Variants in ECE1 observed in about 807,000 individuals in gnomAD.
The protein encoded by ECE1 is endothelin-converting enzyme 1.
ECE1 carries 35 observed loss-of-function variants against 98.6 expected under a neutral mutation model. The observed-to-expected ratio is 0.35, with a 90% CI of 0.27 to 0.47. The LOEUF (loss-of-function observed/expected upper bound fraction) is 0.47. Among genes scored for constraint, ECE1 ranks in the 20% least tolerant of loss-of-function variants. The probability of loss-of-function intolerance (pLI) is 1.00; values close to 1 mark genes in which losing one functional copy is unlikely to be tolerated. For synonymous variants in ECE1, 394 were observed against 407.1 expected (o/e 0.97, Z 0.39); for missense variants, 814 against 1,025.3 (o/e 0.79, Z 2.81).
chr1:21,331,200 C>A (rs567225864), intron 1 of ECE1, among the ~76,000 whole-genome samples: 1 of 152,070 alleles, frequency 6.6e-6, no homozygotes, highest in African/African-American at 2.4e-5. Context: ...GTCAGGAGAT[C>A]GAGACGACCC....
chr1:21,286,704 C>A (rs2098260872), intron 2 of ECE1, among the ~76,000 whole-genome samples: 1 of 152,070 alleles, frequency 6.6e-6, no homozygotes, highest in Admixed American at 6.6e-5. Flanking sequence ...GCAGGAGGAT[C>A]ACTTGAGGCC....
chr1:21,226,455 G>T (rs937853805), intron 16 of ECE1, among the ~76,000 whole-genome samples: 4 of 152,142 alleles, frequency 2.6e-5, no homozygotes, highest in African/African-American at 7.2e-5. Flanking sequence ...GCAAGGATTT[G>T]AACCCAGATC....
chr1:21,261,030 G>T (rs142214282), intron 4 of ECE1, among the ~76,000 whole-genome samples: 627 of 152,262 alleles, frequency 4.1e-3, no homozygotes, highest in Non-Finnish European at 6.6e-3. Context: ...CCTCACCTCA[G>T]TGCCCTGGTC....
At chr1:21,231,055 C>T (rs973528454) in intron 14 of ECE1, among the ~76,000 whole-genome samples, 1 of 150,620 alleles carries the variant, frequency 6.6e-6, no homozygotes, top group East Asian at 2.0e-4. Context: ...CTTGAACTCC[C>T]GACCTCAGGT....
chr1:21,310,635 G>A (rs1638699312), intron 1 of ECE1, among the ~76,000 whole-genome samples: 2 of 152,080 alleles, frequency 1.3e-5, no homozygotes, highest in Non-Finnish European at 2.9e-5. Flanking sequence ...ACTGCACTCT[G>A]CACACACCCC....
At chr1:21,253,878 G>T (rs2098216295) in intron 8 of ECE1, among the ~76,000 whole-genome samples, 1 of 149,876 alleles carries the variant, frequency 6.7e-6, no homozygotes, top group Non-Finnish European at 1.5e-5. Flanking sequence ...AGACCAGCCT[G>T]ACCAACATGG....
At chr1:21,228,933 C>T (rs1331916991) in intron 14 of ECE1, among the ~76,000 whole-genome samples, 12 of 151,648 alleles carry the variant, frequency 7.9e-5, no homozygotes, top group East Asian at 1.9e-4. Flanking sequence ...CTCCGCCCCC[C>T]GGGGTTCACG....
intron 10 of ECE1, among the ~76,000 whole-genome samples, chr1:21,239,641 G>A (rs2098193352): frequency 6.6e-6 from 1 of 152,154 alleles, no homozygotes; most frequent in Admixed American, 6.5e-5. Context: ...GTATAATTCC[G>A]TCCACACCCA....
intron 1 of ECE1, among the ~76,000 whole-genome samples, chr1:21,297,487 CAGCTCCTGGCT>C (rs1350049146): frequency 2.0e-5 from 3 of 151,880 alleles, no homozygotes; most frequent in South Asian, 2.1e-4. Context: ...TTTAGTCTTT[CAGCTCCTGGCT>C]AGCTCCTGGC....
At position 21,236,136 on chromosome 1, in the gene ECE1, A is replaced by G. The variant is rs557967295; in HGVS notation, c.1489-209T>C. On this transcript the variant is annotated intron_variant, in intron 12 of 18. Transcript: ENST00000374893. ...TCTCTGTTTAAATGTCACTTTCCCAAGGGAAGTCTTCCCTGACTCCCATCC... is the reference window on the plus strand; with the variant it reads ...TCTCTGTTTAAATGTCACTTTCCCAGGGGAAGTCTTCCCTGACTCCCATCC... Among the ~76,000 whole-genome samples the G allele has an allele frequency of 2.4e-4, 36 of 152,358 alleles. 1 individual carries two copies. The highest frequency in any genetic ancestry group is 6.5e-4 in the Admixed American group (10 of 15,300).
upstream of ECE1, among the ~76,000 whole-genome samples, chr1:21,291,393 G>A (rs1360255851): frequency 6.6e-6 from 1 of 152,222 alleles, no homozygotes; most frequent in Non-Finnish European, 1.5e-5. Context: ...ACACATATGT[G>A]TGAATAAACA....
chr1:21,272,685 T>C lies in ECE1; in HGVS notation c.493+14A>G, dbSNP rs2098241626. On this transcript the variant is annotated intron_variant, in intron 4 of 18. Transcript: ENST00000374893. ...GCTGTGGCCCATTTATTGGTCTCCA[T>C]GCTGGATGCTTACCGAGGAGGTGCT... is the stretch of plus-strand genomic sequence containing the variant. 3 of 1,614,188 alleles carry C rather than the reference T, an allele frequency of 1.9e-6. No individual in the cohort carries two copies. The highest frequency in any genetic ancestry group is 1.6e-4 in the Middle Eastern group (1 of 6,062).
At chr1:21,252,218 G>C (rs1394404456) in intron 8 of ECE1, among the ~76,000 whole-genome samples, 1 of 152,198 alleles carries the variant, frequency 6.6e-6, no homozygotes, top group Non-Finnish European at 1.5e-5. Flanking sequence ...TCTGTGCAGG[G>C]AAGTTCCCAT....
chr1:21,324,701 G>A (rs1034459768), intron 1 of ECE1, among the ~76,000 whole-genome samples: 3 of 152,206 alleles, frequency 2.0e-5, no homozygotes, highest in Non-Finnish European at 1.5e-5. Context: ...TCACTTAATC[G>A]GCCTCCCTGC....
chr1:21,228,868 G>T (rs1417248839), intron 14 of ECE1, among the ~76,000 whole-genome samples: 2 of 144,952 alleles, frequency 1.4e-5, no homozygotes, highest in African/African-American at 5.0e-5. Context: ...TTGAGACGGA[G>T]CTCACTCTGT....
Position 21,238,278 on chromosome 1 carries a change from C to A in ECE1, c.1279-34G>T, listed in dbSNP as rs187949315. ...CACAAGTCAGGGGGCTCGCTGGGCCCCAGCCCTTTGTTTCCCAACCCCTTT... is the reference window on the plus strand; with the variant it reads ...CACAAGTCAGGGGGCTCGCTGGGCCACAGCCCTTTGTTTCCCAACCCCTTT... On this transcript the variant is annotated intron_variant, in intron 10 of 18. Transcript: ENST00000374893. 7.0e-6 allele frequency: 11 copies of A among 1,564,918 alleles called. No individual in the cohort carries two copies. In the African/African-American group the frequency reaches 1.3e-4, roughly 19 times the overall value.
At position 21,260,472 on chromosome 1, in the gene ECE1, G is replaced by C. The variant is rs2098225354; in HGVS notation, c.494-80C>G. 5.8e-6 allele frequency: 9 copies of C among 1,561,176 alleles called. No individual in the cohort carries two copies. The highest frequency in any genetic ancestry group is 7.9e-6 in the Non-Finnish European group (9 of 1,134,304). On this transcript the variant is annotated intron_variant, in intron 4 of 18. Transcript: ENST00000374893. The surrounding 1 kb of genome is among the most constrained non-coding windows in gnomAD (Gnocchi z 4.3). ...CTTTGGGGCAGTCCCTCTTTTCGGA[G>C]CCTTGGTGTTCTCAGCTGCAAAGGA...
rs1212552987 is a variant in ECE1, at chr1:21,340,899, T to A, written c.3+4477A>T. Among the ~76,000 whole-genome samples the A allele has an allele frequency of 6.6e-6, 1 of 150,990 alleles. No homozygotes were observed. Among genetic ancestry groups the A allele is most frequent in the Non-Finnish European group, 1.5e-5 (1 of 67,888 alleles). ...AGTGGCTCCCCACTGCCCTAAGGAT[T>A]GAGCCCCAGGTCCTTCATATGACCA... is the stretch of plus-strand genomic sequence containing the variant. On this transcript the variant is annotated intron_variant, in intron 1 of 18. Transcript: ENST00000415912. This position sits in a 1 kb window ranked among gnomAD's most constrained non-coding sequence, Gnocchi z 4.6.
rs1425378435 is a variant in ECE1, at chr1:21,258,174, T to C, written c.762+519A>G. 6.6e-6 allele frequency among the ~76,000 whole-genome samples: 1 copy of C among 152,098 alleles called. No individual in the cohort carries two copies. The highest frequency in any genetic ancestry group is 1.5e-5 in the Non-Finnish European group (1 of 68,022). On this transcript the variant is annotated intron_variant, in intron 6 of 18. Coordinates refer to ENST00000374893, the MANE Select transcript of ECE1 (RefSeq NM_001397.3). This position sits in a 1 kb window ranked among gnomAD's most constrained non-coding sequence, Gnocchi z 4.2. ...ATAAGGTAACTGTAGCTCTGAGAGG[T>C]TGAGGCACTTGCCCAAGGTCACACA...
Sources: allele counts gnomAD v4.1 joint callset (sites outside exome capture counted in the v4.1 genomes callset), GRCh38; gene constraint gnomAD v4.1.1; non-coding constraint Gnocchi (gnomAD v3.1); transcripts MANE v1.5; gene names NCBI Gene and HGNC (gene_info 2026-07-23, HGNC 2026-07-21).